Variants in PAX3 observed in about 807,000 individuals in gnomAD.
The protein encoded by PAX3 is paired box protein Pax-3.
A neutral mutation model predicts 51.6 loss-of-function variants in PAX3; 14 were observed. That is an observed-to-expected ratio of 0.27 (90% CI 0.18 to 0.42). The LOEUF is 0.42. PAX3 is among the 10% of genes least tolerant of loss of function. The pLI is 1.00. For synonymous variants in PAX3, 280 were observed against 253.4 expected (o/e 1.11, Z -1.00); for missense variants, 540 against 642.8 (o/e 0.84, Z 1.73).
chr2:222,256,237 C>T (rs1030422770), intron 4 of PAX3, among the ~76,000 whole-genome samples: 46 of 152,088 alleles, frequency 3.0e-4, no homozygotes, highest in African/African-American at 1.1e-3. Flanking sequence ...GGCCATAAGG[C>T]AGATCCTTGT....
At position 222,298,565 on chromosome 2, in the gene PAX3, C is replaced by T. The variant is rs773992492; in HGVS notation, c.51G>A (p.Gly17=). 8 of 1,607,758 alleles carry T rather than the reference C, an allele frequency of 5.0e-6. No individual in the cohort carries two copies. The highest frequency in any genetic ancestry group is 6.8e-6 in the Non-Finnish European group (8 of 1,177,618). Residue 17 remains glycine, a synonymous_variant, in exon 1 of 9, where the codon GGG becomes GGA. Transcript: ENST00000392070. ...GGAACCCGCTACGCGGGTAGTTCTGCCCCGGGCCCGGCCGCATCATCCTGG... is the reference window on the plus strand; with the variant it reads ...GGAACCCGCTACGCGGGTAGTTCTGTCCCGGGCCCGGCCGCATCATCCTGG... ...AVPRMMRPGP[G]QNYPRSGFPL... is the part of the protein sequence containing the mutation.
At chr2:222,277,142 C>T (rs1350384229) in intron 4 of PAX3, among the ~76,000 whole-genome samples, 1 of 151,696 alleles carries the variant, frequency 6.6e-6, no homozygotes, top group African/African-American at 2.4e-5. Flanking sequence ...TTAGGGGGCT[C>T]CTCTTGAAAA....
chr2:222,241,123 C>A (rs1367411), intron 4 of PAX3, among the ~76,000 whole-genome samples: 88,086 of 151,452 alleles, frequency 0.58, 26,356 homozygotes, highest in East Asian at 0.83. Flanking sequence ...AAGCAGTAAG[C>A]TAAATTCTAG....
intron 4 of PAX3, among the ~76,000 whole-genome samples, chr2:222,256,469 C>T (rs1433281529): frequency 6.6e-6 from 1 of 151,864 alleles, no homozygotes. Flanking sequence ...TGATCCTTCC[C>T]TCTCCCTCTC....
chr2:222,216,431 CAG>C (rs1427138265), intron 7 of PAX3, among the ~76,000 whole-genome samples: 1 of 152,190 alleles, frequency 6.6e-6, no homozygotes. Flanking sequence ...GGAACGACAT[CAG>C]AGTTTCTAAA....
At position 222,201,126 on chromosome 2, in the gene PAX3, G is replaced by C. The variant is rs779711112; in HGVS notation, c.*282C>G. ...CAGCACTAAAGAATTGGGATGTTTT[G>C]ATATGTAACCATGTGAAACCATTGC... On this transcript the variant is annotated 3_prime_UTR_variant, in exon 9 of 9. Transcript: ENST00000392070. 1 of 1,598,386 alleles carries C rather than the reference G, an allele frequency of 6.3e-7. No individual in the cohort carries two copies. The highest frequency in any genetic ancestry group is 1.7e-5 in the Admixed American group (1 of 59,882).
intron 4 of PAX3, among the ~76,000 whole-genome samples, chr2:222,260,536 A>G (rs1262654634): frequency 1.0e-5 from 1 of 99,512 alleles, no homozygotes; most frequent in Non-Finnish European, 2.1e-5. Context: ...TGAAAAAACT[A>G]TTTCAAGCAA....
chr2:222,277,762 C>T (rs1218329398), intron 4 of PAX3, among the ~76,000 whole-genome samples: 3 of 151,980 alleles, frequency 2.0e-5, no homozygotes, highest in South Asian at 2.1e-4. Context: ...GGTGAAACCC[C>T]GTCTCTACCA....
intron 5 of PAX3, among the ~76,000 whole-genome samples, chr2:222,222,319 C>T (rs1055075508): frequency 6.6e-6 from 1 of 152,034 alleles, no homozygotes; most frequent in Non-Finnish European, 1.5e-5. Context: ...GATTTTTCCA[C>T]GGAGCACACA....
rs1400127400 is a variant in PAX3, at chr2:222,221,346, A to C, written c.834T>G (p.Ala278=). Reference sequence around the variant, plus strand: ...TGAAAGCCATCAGTTGATTGGCCCCAGCTTGCTTCCTCCATCTTGCACGGC... The same window carrying C: ...TGAAAGCCATCAGTTGATTGGCCCCCGCTTGCTTCCTCCATCTTGCACGGC... ...SNRRARWRKQ[A]GANQLMAFNH... is the part of the protein sequence containing the mutation. The change falls in exon 6 of 9, where the codon GCT becomes GCG. Residue 278 remains alanine (A), a synonymous_variant. Transcript: ENST00000392070. The C allele has an allele frequency of 6.2e-7, 1 of 1,614,086 alleles. No homozygotes were observed. The highest frequency in any genetic ancestry group is 1.3e-5 in the African/African-American group (1 of 75,054).
chr2:222,281,456 T>C (rs1305455463), intron 4 of PAX3, among the ~76,000 whole-genome samples: 1 of 152,232 alleles, frequency 6.6e-6, no homozygotes, highest in Non-Finnish European at 1.5e-5. Context: ...ACATTAAGCC[T>C]GGAGGTTTAA....
intron 4 of PAX3, among the ~76,000 whole-genome samples, chr2:222,280,859 C>T (rs1055973859): frequency 2.0e-5 from 3 of 152,208 alleles, no homozygotes; most frequent in Admixed American, 6.5e-5. Flanking sequence ...AACCCCTGCA[C>T]TCTTAAGCCT....
intron 4 of PAX3, among the ~76,000 whole-genome samples, chr2:222,259,149 A>G (rs1373744734): frequency 3.3e-5 from 5 of 152,244 alleles, no homozygotes; most frequent in Admixed American, 6.5e-5. Context: ...ACTTTCCAAG[A>G]GTGGTTTCTT....
chr2:222,219,510 G>A (rs1394332084), intron 7 of PAX3, among the ~76,000 whole-genome samples: 1 of 152,168 alleles, frequency 6.6e-6, no homozygotes, highest in Non-Finnish European at 1.5e-5. Context: ...GATCTCCTAA[G>A]AAAAGCTCAT....
At chr2:222,214,988 T>C (rs1691897269) in intron 7 of PAX3, among the ~76,000 whole-genome samples, 1 of 152,148 alleles carries the variant, frequency 6.6e-6, no homozygotes, top group Admixed American at 6.6e-5. Flanking sequence ...GTTCTAAACA[T>C]AAAATGTGTT....
chr2:222,256,064 C>T (rs995482305), intron 4 of PAX3, among the ~76,000 whole-genome samples: 3 of 151,898 alleles, frequency 2.0e-5, no homozygotes, highest in African/African-American at 7.3e-5. Context: ...CCACCACGCC[C>T]AGCCCCGATT....
At chr2:222,264,221 A>G (rs1306067463) in intron 4 of PAX3, 1 of 152,272 alleles carries the variant, frequency 6.6e-6, no homozygotes, top group Non-Finnish European at 1.5e-5. Context: ...ATAAAAAGTA[A>G]TGAAATACTG....
At chr2:222,296,738 T>TA (rs1047343847) in intron 2 of PAX3, among the ~76,000 whole-genome samples, 1 of 152,222 alleles carries the variant, frequency 6.6e-6, no homozygotes, top group Admixed American at 6.5e-5. Flanking sequence ...TTATGGGCTT[T>TA]AAAAAACAGA....
intron 4 of PAX3, among the ~76,000 whole-genome samples, chr2:222,252,416 A>C: frequency 6.6e-6 from 1 of 152,242 alleles, no homozygotes; most frequent in East Asian, 1.9e-4. Flanking sequence ...ACAGATTGAA[A>C]AAACGAGGCT....
Sources: gnomAD v4.1 joint callset for allele counts (sites outside exome capture counted in the v4.1 genomes callset) on GRCh38, gnomAD v4.1.1 for gene constraint, MANE v1.5 for transcripts, NCBI Gene and HGNC (gene_info 2026-07-23, HGNC 2026-07-21) for gene names.